Variants in PCDHA9 observed in about 807,000 individuals in gnomAD.
The protein encoded by PCDHA9 is protocadherin alpha 9.
PCDHA9 carries 62 observed loss-of-function variants against 62.0 expected under a neutral mutation model. That is an observed-to-expected ratio of 1.00 (90% CI 0.81 to 1.23). PCDHA9 has a LOEUF of 1.23. Ranked by LOEUF, PCDHA9 falls within the 50% of genes most tolerant of loss-of-function variation. The pLI is 0.00. For synonymous variants in PCDHA9, 557 were observed against 567.6 expected, an observed-to-expected ratio of 0.98 and a Z score of 0.27; for missense variants, 1,205 against 1,249.8, an observed-to-expected ratio of 0.96 and a Z score of 0.54.
intron 1 of PCDHA9, chr5:140,869,468 A>T (rs1221686748): frequency 1.9e-5 from 31 of 1,614,054 alleles, no homozygotes; most frequent in Non-Finnish European, 2.6e-5. Flanking sequence ...GTGAACGTGG[A>T]GGTGAAGGAC....
intron 1 of PCDHA9, chr5:140,862,883 G>T: frequency 1.8e-6 from 1 of 566,460 alleles, no homozygotes. Flanking sequence ...ATTAGTGCTG[G>T]AACGACAACT....
At chr5:140,999,713 G>A (rs533034174) in intron 3 of PCDHA9, among the ~76,000 whole-genome samples, 2 of 152,226 alleles carry the variant, frequency 1.3e-5, no homozygotes, top group South Asian at 4.2e-4. Flanking sequence ...AGCTAACTAC[G>A]GAGACCAGCC....
At chr5:140,872,095 C>G (rs2053482377) in intron 1 of PCDHA9, among the ~76,000 whole-genome samples, 1 of 152,150 alleles carries the variant, frequency 6.6e-6, no homozygotes, top group African/African-American at 2.4e-5. Context: ...GCACTTAGTC[C>G]ATTGGCTTTC....
intron 1 of PCDHA9, among the ~76,000 whole-genome samples, chr5:140,908,608 G>T (rs1350424326): frequency 6.6e-6 from 1 of 152,182 alleles, no homozygotes; most frequent in African/African-American, 2.4e-5. Flanking sequence ...GAAGGGCCTT[G>T]CTCCAAAATC....
rs183321184 is a variant in PCDHA9 at position 140,907,756 on chromosome 5, C to G, written c.2394+56867C>G. 7.8e-3 allele frequency among the ~76,000 whole-genome samples: 1,193 copies of G among 152,264 alleles called. 22 individuals carry two copies. The highest frequency in any genetic ancestry group is 0.027 in the African/African-American group (1,101 of 41,546). On this transcript the variant is annotated intron_variant, in intron 1 of 3. Coordinates refer to ENST00000532602, the MANE Select transcript of PCDHA9 (RefSeq NM_031857.2). ...CCACCATGGCCACTTTGTTCATGGGCCCATTGGGTGATGACAGGGGTGGCT... is the reference window on the plus strand; with the variant it reads ...CCACCATGGCCACTTTGTTCATGGGGCCATTGGGTGATGACAGGGGTGGCT...
At chr5:140,983,734 G>A (rs1194473513) in intron 3 of PCDHA9, among the ~76,000 whole-genome samples, 15 of 152,170 alleles carry the variant, frequency 9.9e-5, no homozygotes, top group African/African-American at 3.4e-4. Context: ...TAACATGGCT[G>A]GCTTGCAATA....
intron 1 of PCDHA9, chr5:140,877,446 G>T: frequency 6.2e-7 from 1 of 1,613,856 alleles, no homozygotes; most frequent in Non-Finnish European, 8.5e-7. Flanking sequence ...GTGAGCCCGC[G>T]CTGACGTCCA....
intron 1 of PCDHA9, among the ~76,000 whole-genome samples, chr5:140,905,695 C>T (rs1350689939): frequency 6.6e-6 from 1 of 152,134 alleles, no homozygotes; most frequent in African/African-American, 2.4e-5. Context: ...TTGTTTGTGT[C>T]ATTTATGATT....
rs571904104 is a variant in PCDHA9, at chr5:140,891,379, AT to A, written c.2394+40493del. On this transcript the variant is annotated intron_variant, in intron 1 of 3. Transcript: ENST00000532602. ...ACCTGAGCAGTATACATTGCACCATATTTGCAATCTTTTATCCCTCGCCACC... is the reference window on the plus strand; with the variant it reads ...ACCTGAGCAGTATACATTGCACCATATTGCAATCTTTTATCCCTCGCCACC... Among the ~76,000 whole-genome samples, 7 of 151,980 alleles carry A rather than the reference AT, an allele frequency of 4.6e-5. No individual in the cohort carries two copies. In the South Asian group the frequency reaches 1.5e-3, roughly 32 times the overall value.
At position 140,876,392 on chromosome 5, in the gene PCDHA9, A is replaced by C. The variant is rs373053230; in HGVS notation, c.2394+25503A>C. ...ACAGGTGAAATTAGAATTTATGGTG[A>C]ACTGGATTTTGAAGAGAATAATGCC... On this transcript the variant is annotated intron_variant, in intron 1 of 3. Transcript: ENST00000532602. 1.2e-4 allele frequency: 194 copies of C among 1,613,822 alleles called. No individual in the cohort carries two copies. The highest frequency in any genetic ancestry group is 1.6e-4 in the Non-Finnish European group (184 of 1,179,914).
rs1019436942 is a variant in PCDHA9, at chr5:140,858,638, T to C, written c.2394+7749T>C. On this transcript the variant is annotated intron_variant, in intron 1 of 3. Transcript: ENST00000532602. ...TCCTACCCAGTGTGTCAGCCTTTGATTGGTACTTAAATTTTTTTAAATAAC... is the reference window on the plus strand; with the variant it reads ...TCCTACCCAGTGTGTCAGCCTTTGACTGGTACTTAAATTTTTTTAAATAAC... 30 of 971,874 alleles carry C rather than the reference T, an allele frequency of 3.1e-5. 2 individuals carry two copies. The highest frequency in any genetic ancestry group is 4.0e-5 in the Non-Finnish European group (27 of 675,162). 60.2% of individuals were successfully genotyped at this position (971,874 alleles called of 1,614,324 possible). A position where few individuals can be genotyped will look rare whatever the true frequency, so the allele number is the denominator to read the frequency against.
chr5:140,883,557 G>C, intron 1 of PCDHA9: 1 of 1,614,214 alleles, frequency 6.2e-7, no homozygotes, highest in Non-Finnish European at 8.5e-7. Flanking sequence ...GCGCGGGACG[G>C]GGGCTCGCCT....
chr5:140,921,721 C>A (rs2080351320), intron 1 of PCDHA9, among the ~76,000 whole-genome samples: 2 of 152,068 alleles, frequency 1.3e-5, no homozygotes, highest in African/African-American at 4.8e-5. Context: ...ACACGAATTA[C>A]TCCCATAAAA....
chr5:140,851,571 A>C (rs1036529099), intron 1 of PCDHA9: 1 of 908,760 alleles, frequency 1.1e-6, no homozygotes, highest in Admixed American at 6.3e-5. Context: ...TTTTGTCTAC[A>C]CTTAGAACAT....
chr5:140,914,042 T>C (rs2076573370), intron 1 of PCDHA9, among the ~76,000 whole-genome samples: 1 of 152,222 alleles, frequency 6.6e-6, no homozygotes, highest in South Asian at 2.1e-4. Context: ...AGAATGTGTA[T>C]TCTGCAGCTG....
chr5:140,934,305 A>T, intron 1 of PCDHA9, among the ~76,000 whole-genome samples: 1 of 152,150 alleles, frequency 6.6e-6, no homozygotes, highest in African/African-American at 2.4e-5. Flanking sequence ...TATTTTTCTT[A>T]CTGCAAATGT....
chr5:140,915,681 G>C (rs1261107431), intron 1 of PCDHA9, among the ~76,000 whole-genome samples: 1 of 151,116 alleles, frequency 6.6e-6, no homozygotes, highest in Non-Finnish European at 1.5e-5. Context: ...TCTTGAACTA[G>C]GGGTATGGTG....
In PCDHA9 at chr5:140,850,834, C is replaced by G; in HGVS notation, c.2339C>G (p.Ala780Gly). 6.3e-7 allele frequency: 1 copy of G among 1,597,920 alleles called. No individual in the cohort carries two copies. The highest frequency in any genetic ancestry group is 1.1e-5 in the South Asian group (1 of 90,540). ...MAFSPGLSPC[A>G]GSTERTGEPS... ...TTCAGCCCGGGCCTTTCTCCTTGTG[C>G]TGGATCTACAGAGCGAACGGGAGAA... Residue 780 changes from alanine to glycine, a missense_variant, in exon 1 of 4, where the codon GCT (alanine) becomes GGT (glycine). Physicochemically the swap from Ala to Gly is moderately conservative, Grantham distance 60. Transcript: ENST00000532602.
Position 140,882,245 on chromosome 5 carries a change from G to C in PCDHA9, c.2394+31356G>C, listed in dbSNP as rs376978051. Reference sequence around the variant, plus strand: ...TAAGGCGTTGTATATATTGCAGATAGCTCTGAGGTTTTTGGAGTGTACCAT... The same window carrying C: ...TAAGGCGTTGTATATATTGCAGATACCTCTGAGGTTTTTGGAGTGTACCAT... On this transcript the variant is annotated intron_variant, in intron 1 of 3. Coordinates refer to ENST00000532602, the MANE Select transcript of PCDHA9 (RefSeq NM_031857.2). 82 of 1,592,614 alleles carry C rather than the reference G, an allele frequency of 5.1e-5. No homozygotes were observed. In the African/African-American group the frequency reaches 9.3e-4, roughly 18 times the overall value.
Sources: gnomAD v4.1 joint callset for allele counts (sites outside exome capture counted in the v4.1 genomes callset) on GRCh38, gnomAD v4.1.1 for gene constraint, MANE v1.5 for transcripts, NCBI Gene and HGNC (gene_info 2026-07-23, HGNC 2026-07-21) for gene names.